The following C6 variants were observed in gnomAD, a reference collection of about 807,000 sequenced individuals.
C6 encodes complement component C6.
A neutral mutation model predicts 112.9 loss-of-function variants in C6; 101 were observed. That is an observed-to-expected ratio of 0.89 (90% CI 0.76 to 1.06). C6 has a LOEUF of 1.06. Ranked by LOEUF, C6 falls within the 50% of genes least tolerant of loss-of-function variation. The probability of loss-of-function intolerance (pLI) is 0.00; values close to 1 mark genes in which losing one functional copy is unlikely to be tolerated. For missense variants in C6, 1,202 were observed against 1,104.6 expected (o/e 1.09, Z -1.25); for synonymous variants, 431 against 384.1 (o/e 1.12, Z -1.43).
At chr5:41,173,150 C>T (rs555923426) in intron 8 of C6, among the ~76,000 whole-genome samples, 2 of 152,284 alleles carry the variant, frequency 1.3e-5, no homozygotes, top group African/African-American at 2.4e-5. Flanking sequence ...TGATATCTTC[C>T]TAGTTTCTCA....
chr5:41,234,379 T>C (rs1441320526), intron 1 of C6, among the ~76,000 whole-genome samples: 1 of 148,322 alleles, frequency 6.7e-6, no homozygotes, highest in Non-Finnish European at 1.5e-5. Context: ...TTTTTTTTGC[T>C]TGGAAGATGT....
rs552227934 is a variant in C6, at chr5:41,170,249, A to T, written c.1291+1976T>A. Reference sequence around the variant, plus strand: ...TTTAATAATATCTAAATGTTTTTCCATGTTGAGATTACTTGATATCTTTCT... The same window carrying T: ...TTTAATAATATCTAAATGTTTTTCCTTGTTGAGATTACTTGATATCTTTCT... On this transcript the variant is annotated intron_variant, in intron 9 of 17. Transcript: ENST00000337836. Among the ~76,000 whole-genome samples the T allele has an allele frequency of 1.1e-4, 17 of 152,008 alleles. No individual in the cohort carries two copies. In the East Asian group the frequency reaches 3.3e-3, roughly 29 times the overall value.
chr5:41,211,208 T>A (rs2150391444), intron 1 of C6, among the ~76,000 whole-genome samples: 1 of 151,918 alleles, frequency 6.6e-6, no homozygotes, highest in East Asian at 1.9e-4. Context: ...GGACACAGGG[T>A]GGTGAACATC....
intron 1 of C6, among the ~76,000 whole-genome samples, chr5:41,251,757 C>T (rs1229675278): frequency 3.9e-5 from 6 of 152,296 alleles, no homozygotes; most frequent in Admixed American, 6.5e-5. Context: ...GACTAGGCTG[C>T]GTGTGCCTTC....
At chr5:41,178,268 CTGAGT>C (rs1749016336) in intron 7 of C6, among the ~76,000 whole-genome samples, 1 of 151,970 alleles carries the variant, frequency 6.6e-6, no homozygotes, top group South Asian at 2.1e-4. Flanking sequence ...CTGAACCTGA[CTGAGT>C]TATCTGGTAT....
upstream of C6, among the ~76,000 whole-genome samples, chr5:41,217,527 G>A (rs1232626276): frequency 6.6e-6 from 1 of 152,058 alleles, no homozygotes; most frequent in African/African-American, 2.4e-5. Flanking sequence ...GCAATAAGAG[G>A]TAACAATCTT....
chr5:41,181,326 A>G (rs1561136527), intron 7 of C6, 33 bp downstream of exon 7: 15 of 1,582,002 alleles, frequency 9.5e-6, no homozygotes, highest in African/African-American at 1.3e-5. Flanking sequence ...AATTTTCAAG[A>G]AAGAATAAAA....
At chr5:41,205,996 C>T (rs557225197) in intron 1 of C6, among the ~76,000 whole-genome samples, 1 of 152,310 alleles carries the variant, frequency 6.6e-6, no homozygotes, top group South Asian at 2.1e-4. Flanking sequence ...CCTCATACAG[C>T]TGGGTGCCCC....
chr5:41,179,506 A>G (rs1343292429), intron 7 of C6, among the ~76,000 whole-genome samples: 1 of 152,018 alleles, frequency 6.6e-6, no homozygotes, highest in Non-Finnish European at 1.5e-5. Flanking sequence ...TCCCATGCCC[A>G]ATCCCAGGTA....
At chr5:41,239,714 T>C (rs1740577299) in intron 1 of C6, among the ~76,000 whole-genome samples, 1 of 152,092 alleles carries the variant, frequency 6.6e-6, no homozygotes, top group Non-Finnish European at 1.5e-5. Context: ...AGTTTTATTG[T>C]TCTGTGTTTT....
intron 11 of C6, 82 bp from the exon 12 acceptor site, chr5:41,159,335 A>T: frequency 6.5e-7 from 1 of 1,540,734 alleles, no homozygotes; most frequent in Non-Finnish European, 8.8e-7. Context: ...TGGTTTCCTC[A>T]CTTTTTAGCT....
chr5:41,160,010 G>T, intron 11 of C6, 132 bp downstream of exon 11: 2 of 754,446 alleles, frequency 2.7e-6, no homozygotes, highest in Non-Finnish European at 4.5e-6. Context: ...CTTTTTGCAG[G>T]TTTATCTTCC....
In C6 at chr5:41,142,980, A is replaced by G; in HGVS notation, c.2650T>C (p.Leu884=). ...CCACCCTTGAAGCACTGTGGGGGCA[A>G]TAGGCAGACACATTTGGAAGTGGAG... ...SASTSKCVCL[L]PPQCFKGGNQ... is the part of the protein sequence containing the mutation. Residue 884 remains leucine (L), a synonymous_variant, in exon 18 of 18, where the codon TTG becomes CTG. Coordinates refer to ENST00000337836, the MANE Select transcript of C6 (RefSeq NM_000065.5). 1 of 1,613,454 alleles carries G rather than the reference A, an allele frequency of 6.2e-7. No homozygotes were observed. The highest frequency in any genetic ancestry group is 1.7e-5 in the Admixed American group (1 of 59,890).
At chr5:41,149,545 G>A in intron 16 of C6, 63 bp from the exon 17 acceptor site, 8 of 1,601,920 alleles carry the variant, frequency 5.0e-6, no homozygotes, top group Non-Finnish European at 6.8e-6. Context: ...GGGGCACGTA[G>A]CCAATGTAGT....
At chr5:41,163,913 A>T (rs1021634118) in intron 9 of C6, among the ~76,000 whole-genome samples, 5 of 152,166 alleles carry the variant, frequency 3.3e-5, no homozygotes, top group African/African-American at 1.2e-4. Context: ...TTGCTCTTCA[A>T]TGTGTCTGTG....
intron 3 of C6, among the ~76,000 whole-genome samples, chr5:41,200,733 A>C (rs1167646077): frequency 6.6e-6 from 1 of 152,066 alleles, no homozygotes; most frequent in East Asian, 1.9e-4. Context: ...TGGTGGGTAA[A>C]TATTTCAATG....
chr5:41,251,118 A>G (rs911340983), intron 1 of C6, among the ~76,000 whole-genome samples: 1 of 152,190 alleles, frequency 6.6e-6, no homozygotes, highest in African/African-American at 2.4e-5. Context: ...TTTTGAATTG[A>G]AACTCTAGGT....
intron 1 of C6, among the ~76,000 whole-genome samples, chr5:41,229,047 G>A (rs552120007): frequency 2.0e-5 from 3 of 152,192 alleles, no homozygotes; most frequent in South Asian, 2.1e-4. Context: ...CCCGGGAGAC[G>A]GAGGTTGCAG....
At chr5:41,225,893 A>G (rs184886361) in intron 1 of C6, among the ~76,000 whole-genome samples, 3,591 of 152,310 alleles carry the variant, frequency 0.024, 140 homozygotes, top group African/African-American at 0.082. Flanking sequence ...AAAACTGACT[A>G]GCCATATGTA....
Sources: allele counts gnomAD v4.1 joint callset (sites outside exome capture counted in the v4.1 genomes callset), GRCh38; gene constraint gnomAD v4.1.1; transcripts MANE v1.5; gene names NCBI Gene and HGNC (gene_info 2026-07-23, HGNC 2026-07-21).